The following APBB2 variants were observed in gnomAD, a reference collection of about 807,000 sequenced individuals.
APBB2 encodes amyloid beta precursor protein binding family B member 2, also known as Fe65-like 1.
Under a neutral mutation model 82.5 loss-of-function variants are expected in APBB2, and 38 were observed. The observed-to-expected ratio is 0.46, with a 90% CI of 0.36 to 0.60. The LOEUF (loss-of-function observed/expected upper bound fraction) is 0.60, where lower values mean the gene tolerates loss of function less well. APBB2 is among the 20% of genes least tolerant of loss of function. The pLI, the probability that APBB2 is intolerant of heterozygous loss-of-function variation, is 0.00. For missense variants in APBB2, 772 were observed against 972.3 expected (o/e 0.79, Z 2.74); for synonymous variants, 341 against 368.2 (o/e 0.93, Z 0.85).
chr4:41,136,392 T>C (rs1757570346), intron 2 of APBB2, among the ~76,000 whole-genome samples: 1 of 152,206 alleles, frequency 6.6e-6, no homozygotes, highest in South Asian at 2.1e-4. Context: ...GACTTAGAGT[T>C]ATAAATGAAA....
intron 10 of APBB2, among the ~76,000 whole-genome samples, chr4:40,902,983 AT>A (rs1413536576): frequency 6.6e-6 from 1 of 151,992 alleles, no homozygotes; most frequent in Non-Finnish European, 1.5e-5. Context: ...TGTAAAAAAA[AT>A]TTTTTTTAAT....
chr4:41,059,410 A>G (rs559094084), intron 4 of APBB2, among the ~76,000 whole-genome samples: 1 of 152,360 alleles, frequency 6.6e-6, no homozygotes, highest in South Asian at 2.1e-4. Flanking sequence ...AAGCCCCCCA[A>G]AATCTGGCCA....
chr4:41,079,799 G>T (rs541850035), intron 3 of APBB2, among the ~76,000 whole-genome samples: 18 of 152,080 alleles, frequency 1.2e-4, no homozygotes, highest in African/African-American at 4.1e-4. Context: ...CACCTGCCTT[G>T]GCCTCCCAAA....
intron 12 of APBB2, among the ~76,000 whole-genome samples, chr4:40,860,940 G>A (rs1274575633): frequency 4.6e-5 from 7 of 152,086 alleles, no homozygotes; most frequent in Admixed American, 3.3e-4. Flanking sequence ...CCGAGGGCTC[G>A]TCACCCTTGC....
chr4:41,131,809 G>T (rs1041199626), intron 2 of APBB2, among the ~76,000 whole-genome samples: 1 of 152,120 alleles, frequency 6.6e-6, no homozygotes, highest in South Asian at 2.1e-4. Flanking sequence ...GGAGGCCAAG[G>T]CGGGTGGATC....
rs1184075601 is a variant in APBB2 at position 40,826,321 on chromosome 4, G to A, written c.1733-351C>T. Among the ~76,000 whole-genome samples the A allele has an allele frequency of 6.6e-6, 1 of 151,814 alleles. No homozygotes were observed. The highest frequency in any genetic ancestry group is 1.5e-5 in the Non-Finnish European group (1 of 67,992). ...CCCAGAGAAAATGTAACCTCAAAGG[G>A]CACAATCAGAGACATAGGAAGATAA... On this transcript the variant is annotated intron_variant, in intron 14 of 17. Transcript: ENST00000508593. The surrounding 1 kb of genome is among the most constrained non-coding windows in gnomAD (Gnocchi z 4.5).
chr4:40,941,817 T>G (rs553173843), intron 7 of APBB2, among the ~76,000 whole-genome samples: 4 of 151,538 alleles, frequency 2.6e-5, no homozygotes, highest in Non-Finnish European at 3.0e-5. Context: ...TTTTTTTTTT[T>G]GTAGAGATGG....
At chr4:41,002,342 G>A (rs1805471559) in intron 6 of APBB2, among the ~76,000 whole-genome samples, 1 of 152,210 alleles carries the variant, frequency 6.6e-6, no homozygotes, top group Non-Finnish European at 1.5e-5. Flanking sequence ...AGCACGTTTT[G>A]CTTAACAGTT....
chr4:40,895,449 G>A lies in APBB2; in HGVS notation c.1255-2038C>T, dbSNP rs909100258. ...AGCCCGATGGTGAAGAGGAGGTCCC[G>A]GGTGCCAGAGCTGGCTGTGGCCAAT... On this transcript the variant is annotated intron_variant, in intron 10 of 17. Transcript: ENST00000508593. Among the ~76,000 whole-genome samples, 3 of 152,226 alleles carry A rather than the reference G, an allele frequency of 2.0e-5. No homozygotes were observed. The South Asian group carries it at 6.2e-4, about 31-fold the overall frequency.
At chr4:40,988,496 G>C (rs111630904) in intron 6 of APBB2, among the ~76,000 whole-genome samples, 15,631 of 151,666 alleles carry the variant, frequency 0.1, 869 homozygotes, top group Admixed American at 0.16. Flanking sequence ...AAATTAGCCA[G>C]GCATGGTGGT....
chr4:40,976,489 T>C (rs1797201287), intron 6 of APBB2, among the ~76,000 whole-genome samples: 5 of 152,236 alleles, frequency 3.3e-5, no homozygotes, highest in Admixed American at 3.3e-4. Context: ...CTAAATCTTT[T>C]AGTTAAGGGA....
At chr4:40,908,302 C>T (rs1777611658) in intron 10 of APBB2, among the ~76,000 whole-genome samples, 2 of 152,146 alleles carry the variant, frequency 1.3e-5, no homozygotes, top group Admixed American at 1.3e-4. Context: ...GAAGCCACCT[C>T]GTCTGTGGTA....
At chr4:40,983,706 TAGCTGTGACTAC>T (rs1271822584) in intron 6 of APBB2, among the ~76,000 whole-genome samples, 1 of 152,170 alleles carries the variant, frequency 6.6e-6, no homozygotes, top group Non-Finnish European at 1.5e-5. Flanking sequence ...GCCTCCTGGC[TAGCTGTGACTAC>T]AGGTGCATGC....
chr4:40,904,743 C>T (rs576989422), intron 10 of APBB2, among the ~76,000 whole-genome samples: 1 of 142,514 alleles, frequency 7.0e-6, no homozygotes, highest in South Asian at 2.2e-4. Context: ...TCAGTGGGTT[C>T]TGCCAGAGAG....
chr4:40,982,297 G>A (rs754687538), intron 6 of APBB2, among the ~76,000 whole-genome samples: 1,649 of 21,542 alleles, frequency 0.077, 296 homozygotes, highest in African/African-American at 0.28. Flanking sequence ...AAGGAAGGAA[G>A]GAAGGAAGGA....
At chr4:41,102,761 G>A (rs77013735) in intron 2 of APBB2, among the ~76,000 whole-genome samples, 2,147 of 152,286 alleles carry the variant, frequency 0.014, 30 homozygotes, top group East Asian at 0.034. Context: ...TCTAAAGCAC[G>A]AGTTCACAAG....
chr4:40,833,475 G>A (rs752805457), intron 12 of APBB2, among the ~76,000 whole-genome samples: 1 of 152,162 alleles, frequency 6.6e-6, no homozygotes, highest in East Asian at 1.9e-4. Flanking sequence ...TCAACGGTCC[G>A]CCTGGTCCTC....
intron 3 of APBB2, among the ~76,000 whole-genome samples, chr4:41,087,816 C>T (rs1740319496): frequency 6.6e-6 from 1 of 152,134 alleles, no homozygotes; most frequent in Non-Finnish European, 1.5e-5. Context: ...ACAGGGGAGA[C>T]TTGTTGAGCT....
At chr4:41,178,625 T>C (rs1580656687) in intron 1 of APBB2, among the ~76,000 whole-genome samples, 1 of 152,186 alleles carries the variant, frequency 6.6e-6, no homozygotes, top group African/African-American at 2.4e-5. Context: ...AAGGCTCACA[T>C]CACCATCTAA....
Sources: allele counts gnomAD v4.1 joint callset (sites outside exome capture counted in the v4.1 genomes callset), GRCh38; gene constraint gnomAD v4.1.1; non-coding constraint Gnocchi (gnomAD v3.1); transcripts MANE v1.5; gene names NCBI Gene and HGNC (gene_info 2026-07-23, HGNC 2026-07-21).